The following TRPA1 variants were observed in gnomAD, a reference collection of about 807,000 sequenced individuals.
The protein encoded by TRPA1 is ankyrin-like with transmembrane domains 1.
A neutral mutation model predicts 131.3 loss-of-function variants in TRPA1; 129 were observed. That is an observed-to-expected ratio of 0.98 (90% CI 0.85 to 1.14). The LOEUF is 1.14. Ranked by LOEUF, TRPA1 falls within the 50% of genes most tolerant of loss-of-function variation. TRPA1 has a pLI of 0.00. For missense variants in TRPA1, 1,304 were observed against 1,354.2 expected, an observed-to-expected ratio of 0.96 and a Z score of 0.58; for synonymous variants, 441 against 451.7, an observed-to-expected ratio of 0.98 and a Z score of 0.30.
chr8:72,084,181 G>A, the TRPA1 span, among the ~76,000 whole-genome samples: 2 of 152,120 alleles, frequency 1.3e-5, 1 homozygote, highest in African/African-American at 4.8e-5. Flanking sequence ...AAAATATGAT[G>A]TATTTTAGGG....
At chr8:72,028,518 G>T (rs1811685467) in intron 24 of TRPA1, among the ~76,000 whole-genome samples, 1 of 152,070 alleles carries the variant, frequency 6.6e-6, no homozygotes, top group Admixed American at 6.6e-5. Context: ...CCTCCATGTT[G>T]CATTCTCTTA....
Position 72,030,863 on chromosome 8 carries a change from G to A in TRPA1, c.2869-894C>T, listed in dbSNP as rs551979552. Among the ~76,000 whole-genome samples, 6 of 152,338 alleles carry A rather than the reference G, an allele frequency of 3.9e-5. 1 individual carries two copies. In the South Asian group the frequency reaches 1.2e-3, roughly 32 times the overall value. On this transcript the variant is annotated intron_variant, in intron 23 of 26. Coordinates refer to ENST00000262209, the MANE Select transcript of TRPA1 (RefSeq NM_007332.3). ...TATGGCTAGATAGAATTAGCTGGGG[G>A]GAAGCTGTTAGCTCAGTTCTACTCA...
At chr8:72,025,881 G>A in intron 25 of TRPA1, 79 bp downstream of exon 25, 4 of 1,220,618 alleles carry the variant, frequency 3.3e-6, no homozygotes, top group Non-Finnish European at 4.8e-6. Flanking sequence ...CTATAAAAGG[G>A]CCCCCTTAGG....
the TRPA1 span, among the ~76,000 whole-genome samples, chr8:72,083,281 A>T: frequency 6.6e-6 from 1 of 152,158 alleles, no homozygotes; most frequent in African/African-American, 2.4e-5. Flanking sequence ...TAAATCTAAC[A>T]TCTATACTCA....
At position 72,069,211 on chromosome 8, in the gene TRPA1, A is replaced by T. The variant is rs970102273; in HGVS notation, c.269-13T>A. 6.2e-7 allele frequency: 1 copy of T among 1,613,968 alleles called. No homozygotes were observed. The highest frequency in any genetic ancestry group is 1.3e-5 in the African/African-American group (1 of 74,920). ...ATTTCATGCAGCACTAGAAAAAGAAACCAGAATATGGATTAAATTTTGCTT... is the reference window on the plus strand; with the variant it reads ...ATTTCATGCAGCACTAGAAAAAGAATCCAGAATATGGATTAAATTTTGCTT... On this transcript the variant is annotated splice_polypyrimidine_tract_variant and intron_variant, in intron 2 of 26. Coordinates refer to ENST00000262209, the MANE Select transcript of TRPA1 (RefSeq NM_007332.3).
At chr8:72,024,626 GA>G (rs2129432390) in intron 25 of TRPA1, among the ~76,000 whole-genome samples, 1 of 152,254 alleles carries the variant, frequency 6.6e-6, no homozygotes, top group South Asian at 2.1e-4. Flanking sequence ...TCCTGTAGGG[GA>G]TATGTCAGGA....
In TRPA1 at chr8:72,022,870, A is replaced by AC. The variant is rs763479125; in HGVS notation, c.*35dup. 1.1e-5 allele frequency: 18 copies of AC among 1,582,036 alleles called. No homozygotes were observed. The highest frequency in any genetic ancestry group is 5.5e-5 in the South Asian group (5 of 90,414). ...GAAAGTTAGAACCAGCAAGTCATGC[A>AC]CCCCCCATTAGAAGCCTCACTGAAG... is the stretch of plus-strand genomic sequence containing the variant. On this transcript the variant is annotated 3_prime_UTR_variant, in exon 27 of 27. Transcript: ENST00000262209.
the TRPA1 span, among the ~76,000 whole-genome samples, chr8:72,087,669 T>A: frequency 6.6e-6 from 1 of 150,856 alleles, no homozygotes; most frequent in East Asian, 1.9e-4. Flanking sequence ...ATGAAGAAAG[T>A]TTTATTTCAA....
At chr8:72,047,585 G>A (rs73312060) in intron 15 of TRPA1, among the ~76,000 whole-genome samples, 174 of 152,106 alleles carry the variant, frequency 1.1e-3, no homozygotes, top group African/African-American at 3.6e-3. Flanking sequence ...AATTCTAAAC[G>A]CTCCAAAATC....
At position 72,048,164 on chromosome 8, in the gene TRPA1, G is replaced by A. The variant is rs114683275; in HGVS notation, c.1906-957C>T. Among the ~76,000 whole-genome samples, 590 of 152,188 alleles carry A rather than the reference G, an allele frequency of 3.9e-3. 3 individuals carry two copies. The highest frequency in any genetic ancestry group is 0.013 in the African/African-American group (553 of 41,548). On this transcript the variant is annotated intron_variant, in intron 15 of 26. Transcript: ENST00000262209. ...ATAGAGCCACCTCTATGGTGTGTGGGAACAACTGTTTTTGTGGGGCTGCAT... is the reference window on the plus strand; with the variant it reads ...ATAGAGCCACCTCTATGGTGTGTGGAAACAACTGTTTTTGTGGGGCTGCAT...
At chr8:72,034,464 G>A in intron 21 of TRPA1, 87 bp from the exon 22 acceptor site, 2 of 879,968 alleles carry the variant, frequency 2.3e-6, no homozygotes, top group Non-Finnish European at 3.4e-6. Flanking sequence ...TATTAAACCA[G>A]GTATTAGATT....
rs199708669 is a variant in TRPA1, at chr8:72,056,371, CAT to C, written c.1195-518_1195-517del. On this transcript the variant is annotated intron_variant, in intron 10 of 26. Transcript: ENST00000262209. ...TTGTTATTTTTTAAATATTCAAACA[CAT>C]ATATATTTTGATTATTAAATACTGG... The C allele has an allele frequency of 5.9e-3, 993 of 168,188 alleles. 15 individuals are homozygous for C. Among genetic ancestry groups the C allele is most frequent in the African/African-American group, 0.021 (881 of 41,604 alleles). The allele number at this position is 168,188 out of a possible 1,614,324, so 10.4% of individuals were successfully genotyped here. A position where few individuals can be genotyped will look rare whatever the true frequency, so the allele number is the denominator to read the frequency against.
At chr8:72,023,776 T>C (rs1811481982) in intron 26 of TRPA1, 38 bp downstream of exon 26, 5 of 1,205,004 alleles carry the variant, frequency 4.1e-6, no homozygotes, top group Non-Finnish European at 6.2e-6. Context: ...TTATGAGTTT[T>C]AAATTTCTCA....
chr8:72,075,514 C>T lies in TRPA1; in HGVS notation c.-105G>A. 1 of 896,960 alleles carries T rather than the reference C, an allele frequency of 1.1e-6. No individual in the cohort carries two copies. The highest frequency in any genetic ancestry group is 1.8e-6 in the Non-Finnish European group (1 of 548,602). 55.6% of individuals were successfully genotyped at this position (896,960 alleles called of 1,614,324 possible). A position where few individuals can be genotyped will look rare whatever the true frequency, so the allele number is the denominator to read the frequency against. On this transcript the variant is annotated 5_prime_UTR_variant, in exon 1 of 27. Coordinates refer to ENST00000262209, the MANE Select transcript of TRPA1 (RefSeq NM_007332.3). ...GCCAGGCGCTGGGGTCCGCGCGAGC[C>T]CGAGCTCTCCCGCGCTGCAGCTCAC...
chr8:72,038,991 T>A lies in TRPA1; in HGVS notation c.2169A>T (p.Leu723Phe). The change falls in exon 19 of 27, where the codon TTA becomes TTT. Residue 723 changes from leucine (L) to phenylalanine (F), a missense_variant. Leu to Phe is a conservative substitution (Grantham distance 22, BLOSUM62 0). Coordinates refer to ENST00000262209, the MANE Select transcript of TRPA1 (RefSeq NM_007332.3). ...AYGFRAHMMN[L>F]GSYCLGLIPM... is the part of the protein sequence containing the mutation. ...GTATGAGACCAAGACAGTAAGATCC[T>A]AAATTCATCATATGAGCTCTAAATC... is the stretch of plus-strand genomic sequence containing the variant. 6.2e-7 allele frequency: 1 copy of A among 1,613,000 alleles called. No homozygotes were observed.
At chr8:72,051,247 C>T (rs76258326) in intron 14 of TRPA1, among the ~76,000 whole-genome samples, 3,392 of 152,244 alleles carry the variant, frequency 0.022, 62 homozygotes, top group Non-Finnish European at 0.037. Flanking sequence ...ATGCCTACAC[C>T]ATCAGTGTAG....
chr8:72,023,907 A>C lies in TRPA1; in HGVS notation c.3056T>G (p.Ile1019Arg). The C allele has an allele frequency of 6.3e-7, 1 of 1,579,710 alleles. No individual in the cohort carries two copies. The highest frequency in any genetic ancestry group is 1.1e-5 in the South Asian group (1 of 90,078). ...CCCAGTGCAAAATAAAAAACAGAAT[A>C]TATGCTGTCGGATAAAAAATAGTAG... ...KPRSGGMLFHIFCFLFCTGEI... is the reference protein window; with the variant it reads ...KPRSGGMLFHRFCFLFCTGEI... Residue 1019 changes from isoleucine to arginine, a missense_variant, in exon 26 of 27, where the codon ATA becomes AGA. By Grantham distance (97) the Ile-to-Arg change is moderately conservative. Coordinates refer to ENST00000262209, the MANE Select transcript of TRPA1 (RefSeq NM_007332.3).
chr8:72,076,193 C>T (rs1806181044), upstream of TRPA1, among the ~76,000 whole-genome samples: 1 of 152,078 alleles, frequency 6.6e-6, no homozygotes, highest in African/African-American at 2.4e-5. Context: ...TAACAGTGAT[C>T]CCCCTCACAC....
At position 72,047,190 on chromosome 8, in the gene TRPA1, G is replaced by T. The variant is rs1166804629; in HGVS notation, c.1923C>A (p.Cys641Ter). ...PECMKVLLDFCMLHSTEDKSC... is the reference protein window; with the variant it reads ...PECMKVLLDF Reference sequence around the variant, plus strand: ...ACTTGTCTTCTGTGGAATGCAACATGCAGAAATCTAAAAGTACCTTTGAAA... The same window carrying T: ...ACTTGTCTTCTGTGGAATGCAACATTCAGAAATCTAAAAGTACCTTTGAAA... Residue 641 changes from cysteine (C) to a stop codon, truncating the protein, a stop_gained, in exon 16 of 27, where the codon TGC becomes TGA. Transcript: ENST00000262209. LOFTEE classifies it high-confidence loss of function. 3 of 1,610,940 alleles carry T rather than the reference G, an allele frequency of 1.9e-6. No homozygotes were observed. The highest frequency in any genetic ancestry group is 2.5e-6 in the Non-Finnish European group (3 of 1,177,942).
Sources: allele counts gnomAD v4.1 joint callset (sites outside exome capture counted in the v4.1 genomes callset), GRCh38; gene constraint gnomAD v4.1.1; transcripts MANE v1.5; gene names NCBI Gene and HGNC (gene_info 2026-07-23, HGNC 2026-07-21).